IGSF11: variants seen among roughly 807,000 people sequenced by gnomAD.
IGSF11 encodes immunoglobulin superfamily member 11.
In IGSF11, 22 loss-of-function variants were observed where a neutral mutation model predicts 41.0. The observed-to-expected ratio is 0.54, with a 90% CI of 0.38 to 0.77. The LOEUF (loss-of-function observed/expected upper bound fraction) is 0.77. IGSF11 is among the 30% of genes least tolerant of loss of function. The probability of loss-of-function intolerance (pLI) is 0.00; values close to 1 mark genes in which losing one functional copy is unlikely to be tolerated. For synonymous variants in IGSF11, 219 were observed against 201.3 expected, an observed-to-expected ratio of 1.09 and a Z score of -0.74; for missense variants, 444 against 530.8, an observed-to-expected ratio of 0.84 and a Z score of 1.61.
intron 1 of IGSF11, among the ~76,000 whole-genome samples, chr3:119,061,909 T>C (rs751670995): frequency 1.3e-5 from 2 of 152,112 alleles, no homozygotes; most frequent in Non-Finnish European, 2.9e-5. Flanking sequence ...ATAAGGTAAA[T>C]GCGAAATAGA....
chr3:119,126,047 G>A (rs1221755472), intron 1 of IGSF11, among the ~76,000 whole-genome samples: 1 of 152,266 alleles, frequency 6.6e-6, no homozygotes, highest in African/African-American at 2.4e-5. Context: ...GGCTGCTGCT[G>A]CCTGCTCTCT....
chr3:119,007,811 G>A (rs77912767), intron 1 of IGSF11, among the ~76,000 whole-genome samples: 1 of 152,180 alleles, frequency 6.6e-6, no homozygotes, highest in South Asian at 2.1e-4. Flanking sequence ...ATATTTTGAA[G>A]AATGTATCTT....
intron 1 of IGSF11, among the ~76,000 whole-genome samples, chr3:119,015,343 G>A (rs948546070): frequency 2.6e-5 from 4 of 152,082 alleles, no homozygotes; most frequent in Non-Finnish European, 5.9e-5. Flanking sequence ...CTTATTTAAC[G>A]CAATTAACTG....
intron 1 of IGSF11, among the ~76,000 whole-genome samples, chr3:119,141,889 G>A (rs2077652015): frequency 6.6e-6 from 1 of 151,896 alleles, no homozygotes; most frequent in Non-Finnish European, 1.5e-5. Context: ...CTGGCATCTG[G>A]GTAAAAAGAC....
chr3:118,958,995 T>G (rs1206386818), intron 1 of IGSF11, among the ~76,000 whole-genome samples: 1 of 152,198 alleles, frequency 6.6e-6, no homozygotes, highest in African/African-American at 2.4e-5. Context: ...TGGCAGAAAT[T>G]CTACTTTTGC....
At chr3:119,088,958 T>C (rs1487282711) in intron 1 of IGSF11, among the ~76,000 whole-genome samples, 1 of 152,034 alleles carries the variant, frequency 6.6e-6, no homozygotes, top group Non-Finnish European at 1.5e-5. Context: ...ATAAGGAACC[T>C]ACCAACCATA....
chr3:118,969,976 G>GT (rs1933191205), intron 1 of IGSF11, among the ~76,000 whole-genome samples: 1 of 150,040 alleles, frequency 6.7e-6, no homozygotes, highest in Non-Finnish European at 1.5e-5. Context: ...ATGTCCCTCT[G>GT]CGCATACAGG....
At chr3:118,936,336 A>G (rs188018752) in intron 1 of IGSF11, among the ~76,000 whole-genome samples, 149 of 151,974 alleles carry the variant, frequency 9.8e-4, no homozygotes, top group African/African-American at 3.5e-3. Context: ...GTGAAACTCC[A>G]TCTCTACCAA....
intron 1 of IGSF11, among the ~76,000 whole-genome samples, chr3:119,123,292 A>T (rs1034492510): frequency 6.6e-6 from 1 of 152,176 alleles, no homozygotes; most frequent in Non-Finnish European, 1.5e-5. Flanking sequence ...AATGGGAAGG[A>T]CTATGTCTTG....
At chr3:118,949,548 T>C (rs1944423836) in intron 1 of IGSF11, among the ~76,000 whole-genome samples, 1 of 152,136 alleles carries the variant, frequency 6.6e-6, no homozygotes, top group South Asian at 2.1e-4. Context: ...GAAGCATGCA[T>C]AGCTGAAATG....
rs376344632 is a variant in IGSF11 at position 119,027,144 on chromosome 3, C to T, written c.52+7387G>A. 1.4e-4 allele frequency among the ~76,000 whole-genome samples: 21 copies of T among 152,156 alleles called. No individual in the cohort carries two copies. In the East Asian group the frequency reaches 1.7e-3, roughly 13 times the overall value. On this transcript the variant is annotated intron_variant, in intron 1 of 6. Transcript: ENST00000393775. Reference sequence around the variant, plus strand: ...AAGAGAACCAGTATTTTCCAATGATCAATGCATAGATTTATGAAAACTCAT... The same window carrying T: ...AAGAGAACCAGTATTTTCCAATGATTAATGCATAGATTTATGAAAACTCAT...
At chr3:118,986,535 A>G (rs1284236625) in intron 1 of IGSF11, among the ~76,000 whole-genome samples, 1 of 152,206 alleles carries the variant, frequency 6.6e-6, no homozygotes, top group Non-Finnish European at 1.5e-5. Context: ...GGAAAATGGA[A>G]AGGAGCTTTT....
In IGSF11 at chr3:119,144,940, A is replaced by G. The variant is rs1447049468; in HGVS notation, c.-14+873T>C. 3.3e-5 allele frequency among the ~76,000 whole-genome samples: 5 copies of G among 152,348 alleles called. 1 individual carries two copies. Among genetic ancestry groups the G allele is most frequent in the East Asian group, 3.9e-4 (2 of 5,194 alleles). On this transcript the variant is annotated intron_variant, in intron 1 of 7. Transcript: ENST00000425327. ...CAATAGCACTTTGAAGCTACAAGCC[A>G]TAGCCCAAGACCTATTTTACTCTAA...
intron 4 of IGSF11, among the ~76,000 whole-genome samples, chr3:118,924,207 G>A (rs1942089205): frequency 1.3e-5 from 2 of 152,102 alleles, no homozygotes; most frequent in South Asian, 2.1e-4. Flanking sequence ...GCCAGAGCGA[G>A]TTCCCTCAAG....
intron 3 of IGSF11, among the ~76,000 whole-genome samples, chr3:118,927,815 T>A (rs796603242): frequency 6.6e-6 from 1 of 152,116 alleles, no homozygotes; most frequent in Non-Finnish European, 1.5e-5. Context: ...GACAGAAGAA[T>A]TGAAAAATAA....
intron 1 of IGSF11, among the ~76,000 whole-genome samples, chr3:119,060,327 T>C (rs1942013286): frequency 6.6e-6 from 1 of 152,128 alleles, no homozygotes; most frequent in South Asian, 2.1e-4. Flanking sequence ...GAGATCTTTT[T>C]AAACCAGCAA....
At chr3:119,083,124 TTC>T (rs2076610086) in intron 1 of IGSF11, among the ~76,000 whole-genome samples, 1 of 107,392 alleles carries the variant, frequency 9.3e-6, no homozygotes, top group Non-Finnish European at 1.8e-5. Context: ...TTTTTCTTTT[TTC>T]TTTTTTTTTT....
chr3:118,923,614 G>A (rs937985314), intron 4 of IGSF11, among the ~76,000 whole-genome samples: 4 of 152,096 alleles, frequency 2.6e-5, no homozygotes, highest in African/African-American at 7.2e-5. Flanking sequence ...TCCATTATTG[G>A]AACGCTAAGC....
chr3:118,942,092 T>C (rs899064854), intron 1 of IGSF11, among the ~76,000 whole-genome samples: 3 of 152,140 alleles, frequency 2.0e-5, no homozygotes, highest in Non-Finnish European at 4.4e-5. Context: ...TGTCAAAACA[T>C]AGCAAACTAT....
Sources: gnomAD v4.1 joint callset for allele counts (sites outside exome capture counted in the v4.1 genomes callset) on GRCh38, gnomAD v4.1.1 for gene constraint, MANE v1.5 for transcripts, NCBI Gene and HGNC (gene_info 2026-07-23, HGNC 2026-07-21) for gene names.